The following NFILZ variants were observed in gnomAD, a reference collection of about 807,000 sequenced individuals.
NFILZ encodes NFIL3 like protein.
At chr19:8,637,151 C>T (rs539714079) in intron 3 of NFILZ, among the ~76,000 whole-genome samples, 22 of 152,254 alleles carry the variant, frequency 1.4e-4, no homozygotes, top group African/African-American at 5.3e-4. Context: ...AGAAGGATCA[C>T]TTGAGCCCAG....
chr19:8,657,931 G>C (rs1461858744), intron 3 of NFILZ, among the ~76,000 whole-genome samples: 11 of 152,282 alleles, frequency 7.2e-5, no homozygotes, highest in Non-Finnish European at 1.5e-4. Context: ...AAACTTCAAG[G>C]CTGAGGCTGA....
chr19:8,644,834 T>C (rs1279403208), intron 3 of NFILZ, among the ~76,000 whole-genome samples: 3 of 150,534 alleles, frequency 2.0e-5, no homozygotes, highest in Admixed American at 1.3e-4. Flanking sequence ...TGGCATGATC[T>C]CGGCTTACCA....
intron 3 of NFILZ, among the ~76,000 whole-genome samples, chr19:8,636,320 C>T (rs527597325): frequency 7.3e-5 from 11 of 151,142 alleles, no homozygotes; most frequent in African/African-American, 2.7e-4. Flanking sequence ...TGGTGGCACA[C>T]GCCTGTAGTC....
At chr19:8,638,171 C>G (rs1219947411) in intron 3 of NFILZ, among the ~76,000 whole-genome samples, 1 of 152,126 alleles carries the variant, frequency 6.6e-6, no homozygotes, top group Non-Finnish European at 1.5e-5. Context: ...ACACTCACCC[C>G]TAGATTCTAC....
At position 8,671,734 on chromosome 19, in the gene NFILZ, ATG is replaced by A. The variant is rs545335356; in HGVS notation, c.-163-2814_-163-2813del. On this transcript the variant is annotated intron_variant, in intron 3 of 5. Transcript: ENST00000691075. Reference sequence around the variant, plus strand: ...TAGATGCTGGCCCCAGAGCTCCGGGATGTGCCGTGGACCTCTACACAGATGTT... The same window carrying A: ...TAGATGCTGGCCCCAGAGCTCCGGGATGCCGTGGACCTCTACACAGATGTT... Among the ~76,000 whole-genome samples the A allele has an allele frequency of 3.8e-3, 573 of 152,014 alleles. 7 individuals are homozygous for A. Among genetic ancestry groups the A allele is most frequent in the African/African-American group, 0.013 (547 of 41,468 alleles).
intron 3 of NFILZ, among the ~76,000 whole-genome samples, chr19:8,653,003 C>CTTTCTTTCTTT (rs1600145535): frequency 4.8e-4 from 20 of 41,486 alleles, no homozygotes; most frequent in African/African-American, 7.9e-4. Flanking sequence ...TTCCTTCCTT[C>CTTTCTTTCTTT]CTTCCTTCCT....
chr19:8,647,786 C>CACAT (rs1568419388), intron 3 of NFILZ, among the ~76,000 whole-genome samples: 2 of 102,600 alleles, frequency 1.9e-5, no homozygotes, highest in African/African-American at 4.5e-5. Context: ...CATGCGCGCG[C>CACAT]GCGCGCGCGC....
intron 3 of NFILZ, among the ~76,000 whole-genome samples, chr19:8,652,990 TCC>T (rs2042972991): frequency 0.024 from 762 of 31,880 alleles, 13 homozygotes; most frequent in Non-Finnish European, 0.027. Context: ...CTTCCTTCCT[TCC>T]TTCCTTCCTT....
rs2043120544 is a variant in NFILZ at position 8,678,041 on chromosome 19, C to CATCT, written c.*409_*410insTATC. Among the ~76,000 whole-genome samples the CATCT allele has an allele frequency of 1.1e-5, 1 of 87,798 alleles. No individual in the cohort carries two copies. The highest frequency in any genetic ancestry group is 2.4e-5 in the Non-Finnish European group (1 of 41,076). 57.6% of individuals were successfully genotyped at this position (87,798 alleles called of 152,430 possible). On this transcript the variant is annotated 3_prime_UTR_variant, in exon 6 of 6. Coordinates refer to ENST00000691075, the MANE Select transcript of NFILZ (RefSeq NM_001378600.1). ...ATCCTTATCCATCTATCCATCCATC[C>CATCT]ATCCATCCATCCACCCATCTATTCA...
chr19:8,663,722 T>TTGTGTGTGTGTGTGTATGTGTGTGTG (rs1568423333), intron 3 of NFILZ, among the ~76,000 whole-genome samples: 2 of 10,800 alleles, frequency 1.9e-4, no homozygotes, highest in African/African-American at 3.1e-4. Context: ...GTGTGTGTGT[T>TTGTGTGTGTGTGTGTATGTGTGTGTG]TGTGTGTGTG....
intron 3 of NFILZ, among the ~76,000 whole-genome samples, chr19:8,654,233 AAAAC>A (rs1450277833): frequency 2.7e-5 from 4 of 149,720 alleles, no homozygotes; most frequent in South Asian, 2.1e-4. Context: ...ATTCTGTCTC[AAAAC>A]AAACAAACAA....
At chr19:8,653,244 C>G (rs1442572035) in intron 3 of NFILZ, among the ~76,000 whole-genome samples, 3 of 151,864 alleles carry the variant, frequency 2.0e-5, no homozygotes, top group Admixed American at 6.6e-5. Context: ...CCACACCCAG[C>G]TAATTTTTGC....
intron 3 of NFILZ, among the ~76,000 whole-genome samples, chr19:8,653,727 AC>A (rs1163274861): frequency 9.2e-5 from 14 of 152,176 alleles, no homozygotes; most frequent in Non-Finnish European, 1.9e-4. Flanking sequence ...GGAATGGAAA[AC>A]CAAATACCGT....
intron 3 of NFILZ, among the ~76,000 whole-genome samples, chr19:8,663,687 G>A (rs1333967612): frequency 8.3e-6 from 1 of 121,148 alleles, no homozygotes; most frequent in African/African-American, 3.7e-5. Flanking sequence ...CCTGGGCTCA[G>A]CGTAGAATTA....
In NFILZ at chr19:8,678,056, C is replaced by CATT. The variant is rs2043121317; in HGVS notation, c.*421_*422insATT. ...TCCATCCATCCATCCATCCATCCAC[C>CATT]CATCTATTCATCCATCCATCAATCC... On this transcript the variant is annotated 3_prime_UTR_variant, in exon 6 of 6. Transcript: ENST00000691075. 8.9e-6 allele frequency among the ~76,000 whole-genome samples: 1 copy of CATT among 112,338 alleles called. No homozygotes were observed. Among genetic ancestry groups the CATT allele is most frequent in the Non-Finnish European group, 1.9e-5 (1 of 52,432 alleles). 73.7% of individuals were successfully genotyped at this position (112,338 alleles called of 152,430 possible).
intron 3 of NFILZ, among the ~76,000 whole-genome samples, chr19:8,664,549 C>A (rs1416660502): frequency 1.3e-5 from 2 of 152,182 alleles, no homozygotes; most frequent in African/African-American, 4.8e-5. Context: ...TGAGTTCCCA[C>A]AGAAGCGTCT....
chr19:8,662,909 A>C (rs1340828112), intron 3 of NFILZ, among the ~76,000 whole-genome samples: 2 of 150,978 alleles, frequency 1.3e-5, no homozygotes, highest in African/African-American at 4.9e-5. Flanking sequence ...GATTACATGC[A>C]TGAGCCACCG....
chr19:8,656,819 T>C (rs1377777147), intron 3 of NFILZ, among the ~76,000 whole-genome samples: 3 of 152,152 alleles, frequency 2.0e-5, no homozygotes, highest in African/African-American at 7.2e-5. Flanking sequence ...AGATGATGCC[T>C]CATGCACCAG....
At position 8,663,732 on chromosome 19, in the gene NFILZ, G is replaced by GTGTGTGTGTGTGTATGTGTGTGTA. The variant is rs2043045364; in HGVS notation, c.-163-10806_-163-10805insATGTGTGTGTATGTGTGTGTGTGT. Among the ~76,000 whole-genome samples the GTGTGTGTGTGTGTATGTGTGTGTA allele has an allele frequency of 6.8e-5, 7 of 102,834 alleles. 1 individual carries two copies. Among genetic ancestry groups the GTGTGTGTGTGTGTATGTGTGTGTA allele is most frequent in the African/African-American group, 2.4e-4 (7 of 29,706 alleles). 67.5% of individuals were successfully genotyped at this position (102,834 alleles called of 152,430 possible). ...GGTGTGTGTGTGTGTTTGTGTGTGT[G>GTGTGTGTGTGTGTATGTGTGTGTA]TGTGTGTGTGTGTGTGTGTGTGTGT... On this transcript the variant is annotated intron_variant, in intron 3 of 5. Coordinates refer to ENST00000691075, the MANE Select transcript of NFILZ (RefSeq NM_001378600.1).
Sources: gnomAD v4.1 joint callset for allele counts (sites outside exome capture counted in the v4.1 genomes callset) on GRCh38, gnomAD v4.1.1 for gene constraint, MANE v1.5 for transcripts, NCBI Gene and HGNC (gene_info 2026-07-23, HGNC 2026-07-21) for gene names.